The following FIG4 variants were observed in gnomAD, a reference collection of about 807,000 sequenced individuals.
The protein encoded by FIG4 is polyphosphoinositide phosphatase.
In FIG4, 112 loss-of-function variants were observed where a neutral mutation model predicts 118.6. The ratio of observed to expected loss-of-function variants is 0.94; its 90% CI spans 0.81 to 1.11. FIG4 has a LOEUF of 1.11. Ranked by LOEUF, FIG4 falls within the 50% of genes least tolerant of loss-of-function variation. The pLI is 0.00. For missense variants in FIG4, 969 were observed against 1,111.7 expected, an observed-to-expected ratio of 0.87 and a Z score of 1.83; for synonymous variants, 369 against 381.2, an observed-to-expected ratio of 0.97 and a Z score of 0.37.
At chr6:109,777,086 T>A in intron 16 of FIG4, 26 bp downstream of exon 16, 1 of 1,596,418 alleles carries the variant, frequency 6.3e-7, no homozygotes, top group African/African-American at 1.3e-5. Context: ...GTCTGTAATA[T>A]AAACTCCCAT....
rs1583775763 is a variant in FIG4 at position 109,817,570 on chromosome 6, A to ATT, written c.2547-7518_2547-7517insTT. 3.1e-4 allele frequency among the ~76,000 whole-genome samples: 21 copies of ATT among 68,016 alleles called. No individual in the cohort carries two copies. In the East Asian group the frequency reaches 6.9e-3, roughly 22 times the overall value. 44.6% of individuals were successfully genotyped at this position (68,016 alleles called of 152,430 possible). On this transcript the variant is annotated intron_variant, in intron 22 of 22. Coordinates refer to ENST00000230124, the MANE Select transcript of FIG4 (RefSeq NM_014845.6). ...TTTTACAGCTCTCAGAGAGTGTGTA[A>ATT]AAAAAAAAAAAAAGAGTATAATTCT...
intron 13 of FIG4, among the ~76,000 whole-genome samples, 183 bp downstream of exon 13, chr6:109,764,165 G>A (rs566382857): frequency 2.6e-5 from 4 of 151,960 alleles, no homozygotes; most frequent in East Asian, 1.9e-4. Context: ...CTGGCTGGGC[G>A]CGGTGGCTCA....
chr6:109,738,115 A>G (rs146072563), intron 6 of FIG4, among the ~76,000 whole-genome samples: 1 of 152,298 alleles, frequency 6.6e-6, no homozygotes, highest in East Asian at 1.9e-4. Flanking sequence ...TACAGAATCA[A>G]CACAATGTTC....
rs576657003 is a variant in FIG4, at chr6:109,774,429, T to C, written c.1751-2493T>C. ...TTCTAAACAAACATCTTTGAACATATACCTTTTTGCATATTTTGATCTTAT... is the reference window on the plus strand; with the variant it reads ...TTCTAAACAAACATCTTTGAACATACACCTTTTTGCATATTTTGATCTTAT... On this transcript the variant is annotated intron_variant, in intron 15 of 22. Coordinates refer to ENST00000230124, the MANE Select transcript of FIG4 (RefSeq NM_014845.6). Among the ~76,000 whole-genome samples, 6 of 152,312 alleles carry C rather than the reference T, an allele frequency of 3.9e-5. No homozygotes were observed. The South Asian group carries it at 1.0e-3, about 26-fold the overall frequency.
chr6:109,744,137 C>T (rs937240049), intron 10 of FIG4, among the ~76,000 whole-genome samples: 1 of 152,048 alleles, frequency 6.6e-6, no homozygotes. Flanking sequence ...CACAGCCTCA[C>T]CTTTACAGTC....
At chr6:109,769,395 C>T (rs1324243398) in intron 15 of FIG4, among the ~76,000 whole-genome samples, 1 of 151,922 alleles carries the variant, frequency 6.6e-6, no homozygotes, top group Non-Finnish European at 1.5e-5. Context: ...GAGGAACTAC[C>T]GTGAAAGGAA....
In FIG4 at chr6:109,743,168, C is replaced by T; in HGVS notation, c.935C>T (p.Ser312Phe). 1 of 1,612,860 alleles carries T rather than the reference C, an allele frequency of 6.2e-7. No homozygotes were observed. Among genetic ancestry groups the T allele is most frequent in the Non-Finnish European group, 8.5e-7 (1 of 1,179,118 alleles). Residue 312 changes from serine (S) to phenylalanine (F), a missense_variant, in exon 9 of 23, where the codon TCT (serine) becomes TTT (phenylalanine). Physicochemically the swap from Ser to Phe is radical, Grantham distance 155. This residue lies in a region of FIG4 where 393 missense variants were observed against 409.4 expected (regional missense o/e 0.96). Transcript: ENST00000230124. ...EQILCDASVMSFTAGSYSSYV... is the reference protein window; with the variant it reads ...EQILCDASVMFFTAGSYSSYV... ...ATACTCTGCGATGCTTCTGTGATGT[C>T]TTTCACTGCAGGAAGTTATTCTTCA...
At chr6:109,785,102 A>G (rs1777915389) in intron 17 of FIG4, 74 bp downstream of exon 17, 1 of 848,486 alleles carries the variant, frequency 1.2e-6, no homozygotes, top group East Asian at 2.4e-5. Context: ...TTGAAGCATT[A>G]AATCCTTTGC....
chr6:109,802,004 G>A (rs1189769615), intron 22 of FIG4, among the ~76,000 whole-genome samples: 1 of 152,090 alleles, frequency 6.6e-6, no homozygotes, highest in East Asian at 1.9e-4. Context: ...GAGCAGCTTG[G>A]AGGCAGTGAT....
intron 3 of FIG4, among the ~76,000 whole-genome samples, chr6:109,718,564 G>C (rs1253749754): frequency 1.3e-5 from 2 of 151,998 alleles, no homozygotes; most frequent in Non-Finnish European, 2.9e-5. Context: ...ATCCCTTTAG[G>C]CTCATTTTGT....
At chr6:109,796,900 C>A in intron 22 of FIG4, 49 bp downstream of exon 22, 1 of 1,053,168 alleles carries the variant, frequency 9.5e-7, no homozygotes, top group Non-Finnish European at 1.5e-6. Context: ...TCATGCCACT[C>A]ATAGGGCTTT....
At chr6:109,797,947 T>C (rs1194701027) in intron 22 of FIG4, among the ~76,000 whole-genome samples, 3 of 151,434 alleles carry the variant, frequency 2.0e-5, no homozygotes, top group Non-Finnish European at 2.9e-5. Context: ...TGAGGTAGTA[T>C]ATGTGAGGCA....
At chr6:109,749,613 A>AAATAAAATAAAATAAAATAC (rs1391071751) in intron 10 of FIG4, among the ~76,000 whole-genome samples, 1 of 151,894 alleles carries the variant, frequency 6.6e-6, no homozygotes, top group Non-Finnish European at 1.5e-5. Context: ...AAATAAAATA[A>AAATAAAATAAAATAAAATAC]AATAAAAAGT....
chr6:109,820,495 C>T lies in FIG4; in HGVS notation c.2547-4593C>T, dbSNP rs1022068026. On this transcript the variant is annotated intron_variant, in intron 22 of 22. Transcript: ENST00000230124. ...TTGTCTCTGAAGGGAACAGGTCCGGCAAGAGTAGACGTGGGAGTTGAGCTG... is the reference window on the plus strand; with the variant it reads ...TTGTCTCTGAAGGGAACAGGTCCGGTAAGAGTAGACGTGGGAGTTGAGCTG... Among the ~76,000 whole-genome samples, 62 of 152,158 alleles carry T rather than the reference C, an allele frequency of 4.1e-4. 1 individual carries two copies. Among genetic ancestry groups the T allele is most frequent in the African/African-American group, 1.4e-3 (58 of 41,502 alleles).
chr6:109,821,739 C>G (rs959166694), intron 22 of FIG4, among the ~76,000 whole-genome samples: 2 of 152,204 alleles, frequency 1.3e-5, no homozygotes, highest in Admixed American at 6.5e-5. Flanking sequence ...ATCTCACCAC[C>G]CTCTGGGTCC....
chr6:109,743,988 T>C (rs1007172695), intron 10 of FIG4, among the ~76,000 whole-genome samples: 2 of 152,100 alleles, frequency 1.3e-5, no homozygotes, highest in Admixed American at 1.3e-4. Flanking sequence ...AAATGAGTAG[T>C]ATATATCTAA....
intron 10 of FIG4, among the ~76,000 whole-genome samples, chr6:109,753,725 C>T (rs1433978552): frequency 6.6e-6 from 1 of 151,976 alleles, no homozygotes; most frequent in Non-Finnish European, 1.5e-5. Context: ...GGAGTTCACT[C>T]ATGATTTGGC....
rs73523015 is a variant in FIG4, at chr6:109,724,120, G to A, written c.290-2989G>A. Among the ~76,000 whole-genome samples, 1,228 of 152,156 alleles carry A rather than the reference G, an allele frequency of 8.1e-3. 25 individuals carry two copies. Among genetic ancestry groups the A allele is most frequent in the African/African-American group, 0.026 (1,088 of 41,522 alleles). ...GTTGTTGTTTTAAGGCGGGGGGTGG[G>A]AGGAGGTTCCACGAACAAACGAATC... On this transcript the variant is annotated intron_variant, in intron 3 of 22. Coordinates refer to ENST00000230124, the MANE Select transcript of FIG4 (RefSeq NM_014845.6).
chr6:109,807,745 T>A (rs1442751190), intron 22 of FIG4, among the ~76,000 whole-genome samples: 2 of 152,140 alleles, frequency 1.3e-5, no homozygotes, highest in Non-Finnish European at 2.9e-5. Flanking sequence ...TTTTAGGTCT[T>A]ATGTTTAAGT....
Sources: gnomAD v4.1 joint callset for allele counts (sites outside exome capture counted in the v4.1 genomes callset) on GRCh38, gnomAD v4.1.1 for gene constraint, gnomAD v4.1.1 regional missense constraint, MANE v1.5 for transcripts, NCBI Gene and HGNC (gene_info 2026-07-23, HGNC 2026-07-21) for gene names.